DENND4A: variants seen among roughly 807,000 people sequenced by gnomAD.
DENND4A encodes the protein DENN domain containing 4A.
In DENND4A, 70 loss-of-function variants were observed where a neutral mutation model predicts 199.3. That is an observed-to-expected ratio of 0.35 (90% CI 0.29 to 0.43). DENND4A has a LOEUF of 0.43. Among genes scored for constraint, DENND4A ranks in the 20% least tolerant of loss-of-function variants. The pLI is 1.00. For synonymous variants in DENND4A, 686 were observed against 766.9 expected, an observed-to-expected ratio of 0.89 and a Z score of 1.74; for missense variants, 1,723 against 2,255.8, an observed-to-expected ratio of 0.76 and a Z score of 4.78.
rs1280901801 is a variant in DENND4A, at chr15:65,792,124, T to G, written c.-216A>C. 6.5e-6 allele frequency: 1 copy of G among 152,814 alleles called. No individual in the cohort carries two copies. The highest frequency in any genetic ancestry group is 6.5e-5 in the Admixed American group (1 of 15,276). 9.5% of individuals were successfully genotyped at this position (152,814 alleles called of 1,614,324 possible). A position where few individuals can be genotyped will look rare whatever the true frequency, so the allele number is the denominator to read the frequency against. The stretch of plus-strand genomic sequence containing the variant: ...AATGCCGCGGCGCTCTGAGCCCGCT[T>G]AGCTCATCCCCAGCCCGGCGCTCCG... On this transcript the variant is annotated 5_prime_UTR_variant, in exon 1 of 33. The change abolishes the stop of an existing upstream ORF in the 5' untranslated region. Coordinates refer to ENST00000443035, the MANE Select transcript of DENND4A (RefSeq NM_001320835.1).
At chr15:65,760,271 C>G (rs1394486325) in intron 2 of DENND4A, among the ~76,000 whole-genome samples, 1 of 152,062 alleles carries the variant, frequency 6.6e-6, no homozygotes, top group East Asian at 1.9e-4. Flanking sequence ...CCAAGGCGGG[C>G]AGATCACTTG....
intron 20 of DENND4A, among the ~76,000 whole-genome samples, chr15:65,697,925 A>G (rs1184881154): frequency 6.6e-6 from 1 of 152,174 alleles, no homozygotes; most frequent in Non-Finnish European, 1.5e-5. Flanking sequence ...CATGGGAATG[A>G]GATAAAAATC....
chr15:65,761,141 A>G (rs1345474573), intron 2 of DENND4A, among the ~76,000 whole-genome samples: 1 of 152,208 alleles, frequency 6.6e-6, no homozygotes, highest in Admixed American at 6.5e-5. Context: ...TTCACATTGA[A>G]GATTTTGTCT....
intron 27 of DENND4A, among the ~76,000 whole-genome samples, chr15:65,669,198 C>T (rs998565818): frequency 2.0e-5 from 3 of 152,220 alleles, no homozygotes; most frequent in Non-Finnish European, 4.4e-5. Context: ...CAACACTATA[C>T]AGGCATTTTT....
intron 1 of DENND4A, chr15:65,771,411 T>A (rs994218792): frequency 3.3e-5 from 52 of 1,584,850 alleles, no homozygotes; most frequent in Middle Eastern, 2.3e-4. Context: ...AAGTCCTTGC[T>A]GACATAATAA....
chr15:65,754,477 A>G (rs2076649959), intron 3 of DENND4A, among the ~76,000 whole-genome samples: 1 of 152,220 alleles, frequency 6.6e-6, no homozygotes, highest in African/African-American at 2.4e-5. Flanking sequence ...AGGATTCCAT[A>G]AAGAAAAGTA....
At chr15:65,713,975 A>G (rs904630595) in intron 14 of DENND4A, among the ~76,000 whole-genome samples, 4 of 152,198 alleles carry the variant, frequency 2.6e-5, no homozygotes, top group African/African-American at 7.2e-5. Context: ...ACAGACACAT[A>G]TACTTACATC....
rs1159894384 is a variant in DENND4A, at chr15:65,661,478, C to T, written c.*373G>A. The T allele has an allele frequency of 1.9e-5, 3 of 158,982 alleles. No individual in the cohort carries two copies. The highest frequency in any genetic ancestry group is 4.1e-5 in the Non-Finnish European group (3 of 72,618). The allele number at this position is 158,982 out of a possible 1,614,324, so 9.8% of individuals were successfully genotyped here. A position where few individuals can be genotyped will look rare whatever the true frequency, so the allele number is the denominator to read the frequency against. On this transcript the variant is annotated 3_prime_UTR_variant, in exon 33 of 33. Transcript: ENST00000443035. ...GAATAGTCTATGAAAACAGGAAATACGTTCATCTGACATTTCTGTTTAGAT... is the reference window on the plus strand; with the variant it reads ...GAATAGTCTATGAAAACAGGAAATATGTTCATCTGACATTTCTGTTTAGAT...
chr15:65,770,807 C>T (rs2077106308), intron 1 of DENND4A, among the ~76,000 whole-genome samples: 1 of 152,054 alleles, frequency 6.6e-6, no homozygotes, highest in African/African-American at 2.4e-5. Context: ...AATAAAAAAG[C>T]AGTAACCTGT....
intron 13 of DENND4A, among the ~76,000 whole-genome samples, chr15:65,715,840 T>C (rs936132033): frequency 1.3e-5 from 2 of 152,124 alleles, no homozygotes; most frequent in African/African-American, 2.4e-5. Flanking sequence ...TCCAGAACTG[T>C]CTCCACTGTT....
At chr15:65,700,751 T>C in intron 19 of DENND4A, 76 bp from the exon 20 acceptor site, 1 of 1,375,228 alleles carries the variant, frequency 7.3e-7, no homozygotes, top group Non-Finnish European at 9.6e-7. Flanking sequence ...AAGCTAATAA[T>C]CCACCAATGT....
intron 1 of DENND4A, chr15:65,771,080 T>A (rs1436444373): frequency 1.1e-5 from 13 of 1,216,530 alleles, no homozygotes; most frequent in Non-Finnish European, 1.4e-5. Context: ...ATTTTCAGTA[T>A]CAGATCTTTC....
chr15:65,729,765 G>C (rs2075904625), intron 9 of DENND4A, 87 bp from the exon 10 acceptor site: 1 of 1,239,562 alleles, frequency 8.1e-7, no homozygotes, highest in South Asian at 1.6e-5. Flanking sequence ...TAGTTGATTA[G>C]AGTAGGATTT....
At position 65,702,945 on chromosome 15, in the gene DENND4A, T is replaced by C; in HGVS notation, c.2151A>G (p.Ala717=). 1.9e-6 allele frequency: 3 copies of C among 1,613,370 alleles called. No individual in the cohort carries two copies. The highest frequency in any genetic ancestry group is 1.3e-5 in the African/African-American group (1 of 75,048). ...LFERPEGFLQ[A]KKNKLPSKSS... ...ATTTTGAAGGCAATTTGTTCTTCTT[T>C]GCTTGTAGAAATCCTTCAGGTCTTT... The change falls in exon 16 of 33, where the codon GCA becomes GCG. Residue 717 remains alanine, a synonymous_variant. Transcript: ENST00000443035.
intron 23 of DENND4A, among the ~76,000 whole-genome samples, chr15:65,689,954 T>A (rs565743508): frequency 6.6e-6 from 1 of 152,286 alleles, no homozygotes; most frequent in East Asian, 1.9e-4. Flanking sequence ...CTTCAGCAGT[T>A]CTCTGATGAC....
At position 65,732,751 on chromosome 15, in the gene DENND4A, C is replaced by T. The variant is rs935913117; in HGVS notation, c.1107+1G>A. The T allele has an allele frequency of 5.0e-6, 8 of 1,586,790 alleles. No individual in the cohort carries two copies. Among genetic ancestry groups the T allele is most frequent in the Non-Finnish European group, 6.9e-6 (8 of 1,158,258 alleles). Reference sequence around the variant, plus strand: ...CCCAATCAAAAACAAAAAAACCTTACCTGAACTAAAATCCGTGGTCTCTGA... The same window carrying T: ...CCCAATCAAAAACAAAAAAACCTTATCTGAACTAAAATCCGTGGTCTCTGA... On this transcript the variant is annotated splice_donor_variant, in intron 8 of 32. Coordinates refer to ENST00000443035, the MANE Select transcript of DENND4A (RefSeq NM_001320835.1). LOFTEE classifies it high-confidence loss of function.
chr15:65,750,091 A>G (rs1381270390), intron 4 of DENND4A, among the ~76,000 whole-genome samples: 1 of 151,492 alleles, frequency 6.6e-6, no homozygotes, highest in Non-Finnish European at 1.5e-5. Context: ...TGATAACGAT[A>G]GAAAAAAGGC....
At chr15:65,713,665 T>C (rs2075309518) in intron 14 of DENND4A, among the ~76,000 whole-genome samples, 1 of 152,262 alleles carries the variant, frequency 6.6e-6, no homozygotes, top group African/African-American at 2.4e-5. Context: ...CAAATTGTCC[T>C]AGATTTGCCT....
At chr15:65,741,666 C>A in intron 5 of DENND4A, 49 bp downstream of exon 5, 1 of 1,512,570 alleles carries the variant, frequency 6.6e-7, no homozygotes, top group Non-Finnish European at 9.1e-7. Flanking sequence ...CCTTTCCGGG[C>A]CCTATAATAC....
Sources: allele counts gnomAD v4.1 joint callset (sites outside exome capture counted in the v4.1 genomes callset), GRCh38; gene constraint gnomAD v4.1.1; transcripts MANE v1.5; gene names NCBI Gene and HGNC (gene_info 2026-07-23, HGNC 2026-07-21).